Variants in NCKAP5 observed in about 807,000 individuals in gnomAD.
NCKAP5 encodes nck-associated protein 5.
In NCKAP5, 92 loss-of-function variants were observed where a neutral mutation model predicts 167.0. The observed-to-expected ratio is 0.55, with a 90% CI of 0.47 to 0.66. NCKAP5 has a LOEUF of 0.66. Ranked by LOEUF, NCKAP5 falls within the 30% of genes least tolerant of loss-of-function variation. The pLI is 0.00. For missense variants in NCKAP5, 2,378 were observed against 2,315.0 expected, an observed-to-expected ratio of 1.03 and a Z score of -0.56; for synonymous variants, 891 against 877.4, an observed-to-expected ratio of 1.02 and a Z score of -0.27.
chr2:133,619,920 A>G, the NCKAP5 span, among the ~76,000 whole-genome samples: 1 of 152,164 alleles, frequency 6.6e-6, no homozygotes, highest in Non-Finnish European at 1.5e-5. Flanking sequence ...CAGAAACCCT[A>G]CAAGCTACAA....
chr2:133,624,289 A>G, the NCKAP5 span, among the ~76,000 whole-genome samples: 1 of 152,122 alleles, frequency 6.6e-6, no homozygotes, highest in African/African-American at 2.4e-5. Context: ...TTTTAATTAA[A>G]AATAAATTTT....
At chr2:132,962,006 C>A (rs2076526990) in intron 8 of NCKAP5, among the ~76,000 whole-genome samples, 1 of 152,130 alleles carries the variant, frequency 6.6e-6, no homozygotes, top group Non-Finnish European at 1.5e-5. Context: ...AGAATGAGAA[C>A]CCTTGGGGAG....
chr2:132,997,656 T>A (rs918740014), intron 6 of NCKAP5, among the ~76,000 whole-genome samples: 1 of 152,064 alleles, frequency 6.6e-6, no homozygotes, highest in Non-Finnish European at 1.5e-5. Context: ...CTTGACCTTA[T>A]TGGTATTCAG....
chr2:133,236,322 C>A (rs967180218), intron 4 of NCKAP5, among the ~76,000 whole-genome samples: 2 of 152,108 alleles, frequency 1.3e-5, no homozygotes, highest in African/African-American at 4.8e-5. Flanking sequence ...TCCTTAGGAG[C>A]AATGGTTCAG....
intron 3 of NCKAP5, among the ~76,000 whole-genome samples, chr2:133,482,061 C>T (rs192774062): frequency 2.6e-5 from 4 of 152,238 alleles, no homozygotes; most frequent in East Asian, 1.9e-4. Flanking sequence ...TAATCTTCCA[C>T]AAACATGCTA....
At chr2:133,572,340 C>T (rs1289287475), upstream of NCKAP5, among the ~76,000 whole-genome samples, 1 of 152,216 alleles carries the variant, frequency 6.6e-6, no homozygotes, top group East Asian at 1.9e-4. Flanking sequence ...AGATGTCAAC[C>T]GCAAACCCAT....
At chr2:133,660,802 T>TTA in the NCKAP5 span, among the ~76,000 whole-genome samples, 3 of 152,142 alleles carry the variant, frequency 2.0e-5, no homozygotes, top group African/African-American at 7.2e-5. Flanking sequence ...AGTCAAGTGT[T>TTA]TAATCTAGTT....
chr2:132,725,148 C>T (rs781518145), intron 19 of NCKAP5, among the ~76,000 whole-genome samples: 14 of 152,182 alleles, frequency 9.2e-5, no homozygotes, highest in Non-Finnish European at 1.6e-4. Context: ...GACTTTTCTA[C>T]TGCCAATTCT....
In NCKAP5 at chr2:132,731,626, C is replaced by T. The variant is rs1301596156; in HGVS notation, c.5443+111G>A. The T allele has an allele frequency of 2.6e-6, 3 of 1,175,750 alleles. No homozygotes were observed. In the East Asian group the frequency reaches 7.4e-5, roughly 29 times the overall value. The allele number at this position is 1,175,750 out of a possible 1,614,324, so 72.8% of individuals were successfully genotyped here. A position where few individuals can be genotyped will look rare whatever the true frequency, so the allele number is the denominator to read the frequency against. On this transcript the variant is annotated intron_variant, in intron 17 of 19. Transcript: ENST00000409261. Reference sequence around the variant, plus strand: ...GGTGAAGGACATGAAGGAATTTTCACATATCTACATTTTTATCAGGCAGGT... The same window carrying T: ...GGTGAAGGACATGAAGGAATTTTCATATATCTACATTTTTATCAGGCAGGT...
chr2:133,617,727 C>A, the NCKAP5 span, among the ~76,000 whole-genome samples: 2 of 151,672 alleles, frequency 1.3e-5, no homozygotes, highest in Non-Finnish European at 2.9e-5. Flanking sequence ...GGCCATACTG[C>A]CCAAGGTAAT....
intron 3 of NCKAP5, among the ~76,000 whole-genome samples, chr2:133,514,800 A>G (rs1281910075): frequency 6.6e-6 from 1 of 152,154 alleles, no homozygotes; most frequent in African/African-American, 2.4e-5. Context: ...CTTAAGTGAC[A>G]GGTTGTTCTA....
intron 10 of NCKAP5, among the ~76,000 whole-genome samples, chr2:132,868,527 A>C (rs2148756777): frequency 6.6e-6 from 1 of 152,322 alleles, no homozygotes; most frequent in South Asian, 2.1e-4. Flanking sequence ...CAGAAGAGGA[A>C]CTAGGGCTCA....
At chr2:132,975,317 T>G (rs961505660) in intron 7 of NCKAP5, among the ~76,000 whole-genome samples, 1 of 152,158 alleles carries the variant, frequency 6.6e-6, no homozygotes, top group Non-Finnish European at 1.5e-5. Context: ...AGTGTTTTCT[T>G]TATGTCTGTA....
At chr2:133,533,609 T>A (rs989502750) in intron 2 of NCKAP5, among the ~76,000 whole-genome samples, 1 of 152,202 alleles carries the variant, frequency 6.6e-6, no homozygotes, top group East Asian at 1.9e-4. Flanking sequence ...CACCTGCCTG[T>A]GCAAATGGAA....
At chr2:133,436,494 GACGGACC>G (rs888663558) in intron 3 of NCKAP5, among the ~76,000 whole-genome samples, 1 of 152,132 alleles carries the variant, frequency 6.6e-6, no homozygotes, top group African/African-American at 2.4e-5. Flanking sequence ...CCCTTTCAAT[GACGGACC>G]ACAATCTAGA....
At chr2:133,204,192 G>A (rs922209899) in intron 5 of NCKAP5, among the ~76,000 whole-genome samples, 17 of 151,838 alleles carry the variant, frequency 1.1e-4, no homozygotes, top group African/African-American at 4.8e-5. Flanking sequence ...ATGGTATTAT[G>A]GTTTTATTTT....
At chr2:133,633,593 A>G in the NCKAP5 span, among the ~76,000 whole-genome samples, 1 of 152,218 alleles carries the variant, frequency 6.6e-6, no homozygotes, top group Non-Finnish European at 1.5e-5. Flanking sequence ...GGTAGCCTTC[A>G]TGAAGCGGTT....
At chr2:132,925,431 A>G (rs901868471) in intron 8 of NCKAP5, among the ~76,000 whole-genome samples, 2 of 151,748 alleles carry the variant, frequency 1.3e-5, no homozygotes, top group East Asian at 1.9e-4. Flanking sequence ...GCATGGTGGC[A>G]GGCACCTGTA....
chr2:133,478,102 G>A (rs1167283353), intron 3 of NCKAP5, among the ~76,000 whole-genome samples: 1 of 152,014 alleles, frequency 6.6e-6, no homozygotes, highest in Non-Finnish European at 1.5e-5. Flanking sequence ...AAAAAACAGA[G>A]GAAAACTAAG....
Sources: gnomAD v4.1 joint callset for allele counts (sites outside exome capture counted in the v4.1 genomes callset) on GRCh38, gnomAD v4.1.1 for gene constraint, MANE v1.5 for transcripts, NCBI Gene and HGNC (gene_info 2026-07-23, HGNC 2026-07-21) for gene names.